Variants in ANO8 observed in about 807,000 individuals in gnomAD.
ANO8 encodes anoctamin-8.
A neutral mutation model predicts 120.4 loss-of-function variants in ANO8; 67 were observed. That is an observed-to-expected ratio of 0.56 (90% CI 0.46 to 0.68). ANO8 has a LOEUF of 0.68. Among genes scored for constraint, ANO8 ranks in the 30% least tolerant of loss-of-function variants. ANO8 has a pLI of 0.00. For missense variants in ANO8, 1,526 were observed against 1,737.6 expected (o/e 0.88, Z 2.16); for synonymous variants, 727 against 759.2 (o/e 0.96, Z 0.70).
Position 17,324,937 on chromosome 19 carries a change from C to T in ANO8, c.3111G>A (p.Arg1037=). The T allele has an allele frequency of 6.2e-7, 1 of 1,613,348 alleles. No homozygotes were observed. Among genetic ancestry groups the T allele is most frequent in the Non-Finnish European group, 8.5e-7 (1 of 1,179,916 alleles). The change falls in exon 17 of 18, where the codon CGG becomes CGA. Residue 1037 remains arginine, a synonymous_variant. Coordinates refer to ENST00000159087, the MANE Select transcript of ANO8 (RefSeq NM_020959.3). The part of the protein sequence containing the change: ...FKFLKSPETR[R]DSERSHSPPK... ...GCGGTGAGTGGCTGCGCTCAGAGTC[C>T]CGCCGGGTCTCGGGTGACTTGAGGA...
At chr19:17,325,505 G>C (rs1177009566) in intron 16 of ANO8, 119 bp from the exon 17 acceptor site, 16 of 1,365,860 alleles carry the variant, frequency 1.2e-5, no homozygotes, top group Non-Finnish European at 1.5e-5. Flanking sequence ...TGCTTATTAG[G>C]CTCCAACTGT....
At chr19:17,325,445 C>T in intron 16 of ANO8, 59 bp from the exon 17 acceptor site, 1 of 1,513,352 alleles carries the variant, frequency 6.6e-7, no homozygotes, top group African/African-American at 1.4e-5. Context: ...CGGGTGCCAG[C>T]TGAGGCTGGT....
Position 17,327,435 on chromosome 19 carries a change from C to T in ANO8, c.2550+3G>A, listed in dbSNP as rs1398443320. 1 of 1,605,394 alleles carries T rather than the reference C, an allele frequency of 6.2e-7. No homozygotes were observed. Among genetic ancestry groups the T allele is most frequent in the Non-Finnish European group, 8.5e-7 (1 of 1,176,014 alleles). On this transcript the variant is annotated splice_donor_region_variant and intron_variant, in intron 15 of 17. Coordinates refer to ENST00000159087, the MANE Select transcript of ANO8 (RefSeq NM_020959.3). ...CTGCCCCCGCCCCTGTCGCCGGCCC[C>T]ACCTCGAGCACTACCACCGACACGA... is the stretch of plus-strand genomic sequence containing the variant.
chr19:17,329,391 G>T, intron 12 of ANO8: 1 of 367,634 alleles, frequency 2.7e-6, no homozygotes, highest in Non-Finnish European at 5.0e-6. Context: ...GGACCCACGG[G>T]CTCGCCACCT....
At position 17,328,606 on chromosome 19, in the gene ANO8, CTCCTCGTCCTCCTCCTCCTCGTCG is replaced by C. The variant is rs1217414982; in HGVS notation, c.1758_1781del (p.Asp586_Glu593del). On this transcript the variant is annotated inframe_deletion, in exon 13 of 18. Coordinates refer to ENST00000159087, the MANE Select transcript of ANO8 (RefSeq NM_020959.3). Reference sequence around the variant, plus strand: ...CGCCCTCCTCCTCGTCCTCCTCTTCCTCCTCGTCCTCCTCCTCCTCGTCGTCCTCGTCCTCCTCCTTGCCCCCTG... The same window carrying C: ...CGCCCTCCTCCTCGTCCTCCTCTTCCTCCTCGTCCTCCTCCTTGCCCCCTG... 3.2e-5 allele frequency: 49 copies of C among 1,542,708 alleles called. No individual in the cohort carries two copies. Among genetic ancestry groups the C allele is most frequent in the African/African-American group, 4.1e-5 (3 of 72,736 alleles).
chr19:17,328,612 G>C lies in ANO8; in HGVS notation c.1776C>G (p.Asp592Glu), dbSNP rs1568360135. ...CCTCCTCGTCCTCCTCTTCCTCCTC[G>C]TCCTCCTCCTCCTCGTCGTCCTCGT... ...EEDEDDEEEEDEEEEEDEEEG... is the reference protein window; with the variant it reads ...EEDEDDEEEEEEEEEEDEEEG... The change falls in exon 13 of 18, where the codon GAC becomes GAG. Residue 592 changes from aspartate to glutamate, a missense_variant. By Grantham distance (45) the Asp-to-Glu change is conservative (BLOSUM62 2). Transcript: ENST00000159087. The C allele has an allele frequency of 6.5e-7, 1 of 1,538,444 alleles. No homozygotes were observed. Among genetic ancestry groups the C allele is most frequent in the Non-Finnish European group, 8.8e-7 (1 of 1,141,496 alleles).
rs908641960 is a variant in ANO8 at position 17,333,303 on chromosome 19, G to T, written c.351-64C>A. ...CCCGGCCCACCATCCTGGAGCTGAG[G>T]ATGGTGCACCTGGCAGCCTTTGGGA... On this transcript the variant is annotated intron_variant, in intron 3 of 17. Coordinates refer to ENST00000159087, the MANE Select transcript of ANO8 (RefSeq NM_020959.3). This position sits in a 1 kb window ranked among gnomAD's most constrained non-coding sequence, Gnocchi z 7.2. 1 of 1,601,826 alleles carries T rather than the reference G, an allele frequency of 6.2e-7. No homozygotes were observed. Among genetic ancestry groups the T allele is most frequent in the African/African-American group, 1.3e-5 (1 of 74,766 alleles).
intron 17 of ANO8, 71 bp downstream of exon 17, chr19:17,324,646 C>T: frequency 3.3e-6 from 5 of 1,507,356 alleles, no homozygotes; most frequent in Non-Finnish European, 4.4e-6. Flanking sequence ...GCCCCTCTCC[C>T]CAGGCCTGGC....
intron 17 of ANO8, 132 bp downstream of exon 17, chr19:17,324,585 T>A (rs1021340492): frequency 7.0e-7 from 1 of 1,431,582 alleles, no homozygotes. Context: ...CACGTACCAC[T>A]GACCCAGGTC....
In ANO8 at chr19:17,329,693, G is replaced by T. The variant is rs534517041; in HGVS notation, c.1404+64C>A. 92 of 1,356,566 alleles carry T rather than the reference G, an allele frequency of 6.8e-5. 1 individual carries two copies. In the South Asian group the frequency reaches 1.0e-3, roughly 15 times the overall value. The allele number at this position is 1,356,566 out of a possible 1,614,324, so 84.0% of individuals were successfully genotyped here. ...GGAGAGCCCTTGGACCCCTTGTGCC[G>T]GGTCTGGCCCCTCGCTGGCCGCCAT... On this transcript the variant is annotated intron_variant, in intron 12 of 17. Transcript: ENST00000159087.
rs935271746 is a variant in ANO8, at chr19:17,333,329, C to A, written c.351-90G>T. The A allele has an allele frequency of 3.1e-6, 5 of 1,604,328 alleles. No homozygotes were observed. The highest frequency in any genetic ancestry group is 3.4e-6 in the Non-Finnish European group (4 of 1,174,190). ...ATGGTGCACCTGGCAGCCTTTGGGA[C>A]AAACGCAGGGCGGCTGGATAGCATG... On this transcript the variant is annotated intron_variant, in intron 3 of 17. Coordinates refer to ENST00000159087, the MANE Select transcript of ANO8 (RefSeq NM_020959.3). The surrounding 1 kb of genome is among the most constrained non-coding windows in gnomAD (Gnocchi z 7.2).
rs755474350 is a variant in ANO8, at chr19:17,330,154, T to C, written c.1244A>G (p.Lys415Arg). 7.4e-6 allele frequency: 12 copies of C among 1,614,072 alleles called. No homozygotes were observed. In the South Asian group the frequency reaches 1.2e-4, roughly 16 times the overall value. ...GTCATTGAGCCAGATGGCTAGCTTC[T>C]TGTAGCCCTCGGCACTCACACTGAC... is the stretch of plus-strand genomic sequence containing the variant. ...LLVSVSAEGY[K>R]KLAIWLNDME... The change falls in exon 10 of 18, where the codon AAG (lysine) becomes AGG (arginine). Residue 415 changes from lysine (K) to arginine (R), a missense_variant. Around this residue, in one of 8 missense-constraint regions of ANO8, gnomAD observed 91 missense variants for 85.3 expected, o/e 1.07. Transcript: ENST00000159087.
intron 13 of ANO8, 87 bp downstream of exon 13, chr19:17,328,075 C>G: frequency 7.1e-7 from 1 of 1,401,208 alleles, no homozygotes; most frequent in Non-Finnish European, 9.5e-7. Context: ...GTTATCACCA[C>G]TCCCACCCCC....
rs769262600 is a variant in ANO8 at position 17,330,911 on chromosome 19, G to T, written c.910C>A (p.Arg304=). 1 of 1,614,086 alleles carries T rather than the reference G, an allele frequency of 6.2e-7. No individual in the cohort carries two copies. Among genetic ancestry groups the T allele is most frequent in the Non-Finnish European group, 8.5e-7 (1 of 1,180,018 alleles). The change falls in exon 8 of 18, where the codon CGG becomes AGG. Residue 304 remains arginine (R), a synonymous_variant. Transcript: ENST00000159087. The stretch of plus-strand genomic sequence containing the variant: ...TTATATGCCAGCTCAGCCCCTCTCC[G>T]CTTCCATTCCTCTAGGAACAGCGTC... The part of the protein sequence containing the change: ...WSTLFLEEWK[R]RGAELAYKWG...
rs1283957698 is a variant in ANO8 at position 17,327,634 on chromosome 19, A to G, written c.2418+55T>C. On this transcript the variant is annotated intron_variant, in intron 14 of 17. Coordinates refer to ENST00000159087, the MANE Select transcript of ANO8 (RefSeq NM_020959.3). ...CCTCCCCAGACCCCAGGCTCCTCCC[A>G]GCTGCACCTGGGCTCCCTCTGGGCC... 34 of 1,607,840 alleles carry G rather than the reference A, an allele frequency of 2.1e-5. No homozygotes were observed. In the South Asian group the frequency reaches 2.4e-4, roughly 11 times the overall value.
chr19:17,330,523 C>G lies in ANO8; in HGVS notation c.994-19G>C. On this transcript the variant is annotated intron_variant, in intron 8 of 17. Transcript: ENST00000159087. ...GCACGCCCTGATGGTGGGCAAAGAC[C>G]GGGCCCAGCATGAGCTCAGAGGGGC... The G allele has an allele frequency of 6.7e-7, 1 of 1,494,316 alleles. No homozygotes were observed. Among genetic ancestry groups the G allele is most frequent in the African/African-American group, 1.4e-5 (1 of 71,376 alleles). The allele number at this position is 1,494,316 out of a possible 1,614,324, so 92.6% of individuals were successfully genotyped here.
chr19:17,330,819 C>T lies in ANO8; in HGVS notation c.993+9G>A. 6.2e-7 allele frequency: 1 copy of T among 1,612,240 alleles called. No homozygotes were observed. Among genetic ancestry groups the T allele is most frequent in the Non-Finnish European group, 8.5e-7 (1 of 1,178,954 alleles). The stretch of plus-strand genomic sequence containing the variant: ...GTCTCCATGACCCTGGACTCAGCCC[C>T]CAACTGACCCTGAACTGGGGGCGTG... On this transcript the variant is annotated intron_variant, in intron 8 of 17. Transcript: ENST00000159087.
Position 17,328,918 on chromosome 19 carries a change from G to C in ANO8, c.1470C>G (p.His490Gln), listed in dbSNP as rs773864249. Residue 490 changes from histidine to glutamine, a missense_variant, in exon 13 of 18, where the codon CAC becomes CAG. By Grantham distance (24) the His-to-Gln change is conservative. This residue lies in a region of ANO8 where 467 missense variants were observed against 425.8 expected (regional missense o/e 1.10). Transcript: ENST00000159087. ...LQNVREVLQP[H>Q]LYRRLGRGEL... ...CGCCGCGGCCCAGGCGCCGGTACAGGTGCGGCTGCAGGACCTCGCGCACGT... is the reference window on the plus strand; with the variant it reads ...CGCCGCGGCCCAGGCGCCGGTACAGCTGCGGCTGCAGGACCTCGCGCACGT... 1.3e-6 allele frequency: 2 copies of C among 1,513,038 alleles called. No individual in the cohort carries two copies. Among genetic ancestry groups the C allele is most frequent in the East Asian group, 5.5e-5 (2 of 36,392 alleles). The allele number at this position is 1,513,038 out of a possible 1,614,324, so 93.7% of individuals were successfully genotyped here.
At chr19:17,334,083 G>T (rs538930715) in intron 1 of ANO8, among the ~76,000 whole-genome samples, 25 of 152,330 alleles carry the variant, frequency 1.6e-4, no homozygotes, top group African/African-American at 6.0e-4. Flanking sequence ...CTCACTAGCA[G>T]CCCTGAGCGC....
Sources: allele counts gnomAD v4.1 joint callset (sites outside exome capture counted in the v4.1 genomes callset), GRCh38; gene constraint gnomAD v4.1.1; regional missense constraint gnomAD v4.1.1; non-coding constraint Gnocchi (gnomAD v3.1); transcripts MANE v1.5; gene names NCBI Gene and HGNC (gene_info 2026-07-23, HGNC 2026-07-21).